The following DMRTB1 variants were observed in gnomAD, a reference collection of about 807,000 sequenced individuals.
DMRTB1 encodes the protein doublesex- and mab-3-related transcription factor B1.
Under a neutral mutation model 25.2 loss-of-function variants are expected in DMRTB1, and 9 were observed. That is an observed-to-expected ratio of 0.36 (90% CI 0.22 to 0.62). The LOEUF is 0.62. DMRTB1 is among the 20% of genes least tolerant of loss of function. The pLI is 0.71. For synonymous variants in DMRTB1, 269 were observed against 238.1 expected (o/e 1.13, Z -1.20); for missense variants, 551 against 499.3 (o/e 1.10, Z -0.99).
At position 53,466,777 on chromosome 1, in the gene DMRTB1, C is replaced by A; in HGVS notation, c.*115C>A. 2 of 1,012,438 alleles carry A rather than the reference C, an allele frequency of 2.0e-6. No homozygotes were observed. The highest frequency in any genetic ancestry group is 3.0e-6 in the Non-Finnish European group (2 of 656,786). The allele number at this position is 1,012,438 out of a possible 1,614,324, so 62.7% of individuals were successfully genotyped here. ...GGAAGGAGGTTGATAGCATAGATGG[C>A]AACTGATTCCCAGTTTAAGATAGGA... On this transcript the variant is annotated 3_prime_UTR_variant, in exon 4 of 4. Coordinates refer to ENST00000371445, the MANE Select transcript of DMRTB1 (RefSeq NM_033067.3).
chr1:53,462,667 C>T (rs1235976793), intron 2 of DMRTB1, among the ~76,000 whole-genome samples: 1 of 152,180 alleles, frequency 6.6e-6, no homozygotes, highest in Non-Finnish European at 1.5e-5. Context: ...AAGTTTTTGG[C>T]CAGGGTCACA....
rs754382337 is a variant in DMRTB1, at chr1:53,459,637, G to A, written c.184G>A (p.Glu62Lys). 8 of 1,560,440 alleles carry A rather than the reference G, an allele frequency of 5.1e-6. No homozygotes were observed. In the Admixed American group the frequency reaches 5.7e-5, roughly 11 times the overall value. Residue 62 changes from glutamate (E) to lysine (K), a missense_variant, in exon 1 of 4, where the codon GAG becomes AAG. Glu to Lys is a moderately conservative substitution (Grantham distance 56). Coordinates refer to ENST00000371445, the MANE Select transcript of DMRTB1 (RefSeq NM_033067.3). ...GAAGGTGCTCAAGACGCAGGCCGCCGAGGAGGAGCAGGAGGCGGCCCTGTG... is the reference window on the plus strand; with the variant it reads ...GAAGGTGCTCAAGACGCAGGCCGCCAAGGAGGAGCAGGAGGCGGCCCTGTG... The part of the protein sequence containing the change: ...AQKVLKTQAA[E>K]EEQEAALCAQ...
chr1:53,461,530 C>G lies in DMRTB1; in HGVS notation c.635C>G (p.Ser212Cys). ...CTGGGCCCTGAGTACCCTGGTGGCT[C>G]CAGCATGCACCCCTACTGCCCGTTC... ...RALGPEYPGG[S>C]SMHPYCPFPL... The change falls in exon 2 of 4, where the codon TCC becomes TGC. Residue 212 changes from serine to cysteine, a missense_variant. Transcript: ENST00000371445. The G allele has an allele frequency of 6.2e-7, 1 of 1,612,194 alleles. No homozygotes were observed. Among genetic ancestry groups the G allele is most frequent in the Non-Finnish European group, 8.5e-7 (1 of 1,179,138 alleles).
chr1:53,461,826 C>T (rs892987902), intron 2 of DMRTB1, among the ~76,000 whole-genome samples, 181 bp downstream of exon 2: 1 of 152,216 alleles, frequency 6.6e-6, no homozygotes, highest in Non-Finnish European at 1.5e-5. Context: ...TGGGAGCACA[C>T]GTGTGGACCA....
In DMRTB1 at chr1:53,466,606, G is replaced by A. The variant is rs1644051534; in HGVS notation, c.973G>A (p.Ala325Thr). Reference sequence around the variant, plus strand: ...TTTGTCCTTCACAGATGACCAGGATGCAGAGGTACTGTCGGGTGAGCCCAG... The same window carrying A: ...TTTGTCCTTCACAGATGACCAGGATACAGAGGTACTGTCGGGTGAGCCCAG... ...TDKENTDDQD[A>T]EVLSGEPSQP... Residue 325 changes from alanine to threonine, a missense_variant, in exon 4 of 4, where the codon GCA becomes ACA. Transcript: ENST00000371445. 6.2e-7 allele frequency: 1 copy of A among 1,614,126 alleles called. No individual in the cohort carries two copies.
At chr1:53,466,497 A>G in intron 3 of DMRTB1, 98 bp from the exon 4 acceptor site, 2 of 1,278,224 alleles carry the variant, frequency 1.6e-6, no homozygotes, top group East Asian at 2.3e-5. Flanking sequence ...TCTCAAAAAA[A>G]TTAAAATAAA....
chr1:53,465,107 T>C (rs563424825), intron 3 of DMRTB1, among the ~76,000 whole-genome samples: 7 of 152,160 alleles, frequency 4.6e-5, no homozygotes, highest in Non-Finnish European at 8.8e-5. Flanking sequence ...GAGCTGGGAT[T>C]TGAACAGAGT....
At chr1:53,460,132 TC>T in intron 1 of DMRTB1, 102 bp downstream of exon 1, 1 of 1,387,982 alleles carries the variant, frequency 7.2e-7, no homozygotes, top group Non-Finnish European at 9.3e-7. Flanking sequence ...GAGAAGTTTT[TC>T]CACGGGTAAC....
At chr1:53,460,810 C>T (rs1569647531) in intron 1 of DMRTB1, among the ~76,000 whole-genome samples, 2 of 152,154 alleles carry the variant, frequency 1.3e-5, no homozygotes, top group Admixed American at 1.3e-4. Context: ...GAGGCGGGGG[C>T]CCGGGTCACG....
At position 53,459,584 on chromosome 1, in the gene DMRTB1, C is replaced by T; in HGVS notation, c.131C>T (p.Ser44Phe). The T allele has an allele frequency of 6.2e-7, 1 of 1,603,558 alleles. No individual in the cohort carries two copies. Among genetic ancestry groups the T allele is most frequent in the South Asian group, 1.1e-5 (1 of 89,670 alleles). ...QCLCEKCYLI[S>F]ERQKIMAAQK... The stretch of plus-strand genomic sequence containing the variant: ...CTCTGCGAGAAGTGCTACCTGATCT[C>T]CGAGCGCCAGAAGATCATGGCCGCG... Residue 44 changes from serine to phenylalanine, a missense_variant, in exon 1 of 4, where the codon TCC (serine) becomes TTC (phenylalanine). Transcript: ENST00000371445.
chr1:53,459,696 G>A lies in DMRTB1; in HGVS notation c.243G>A (p.Ala81=). The A allele has an allele frequency of 1.4e-6, 2 of 1,450,630 alleles. No individual in the cohort carries two copies. Among genetic ancestry groups the A allele is most frequent in the Non-Finnish European group, 1.8e-6 (2 of 1,085,516 alleles). The allele number at this position is 1,450,630 out of a possible 1,614,324, so 89.9% of individuals were successfully genotyped here. ...AQGPKQASGA[A]AAAPAPVPVP... ...GGCCCAAGCAGGCCTCCGGGGCTGC[G>A]GCCGCCGCCCCCGCCCCCGTCCCCG... The change falls in exon 1 of 4, where the codon GCG becomes GCA. Residue 81 remains alanine, a synonymous_variant. Coordinates refer to ENST00000371445, the MANE Select transcript of DMRTB1 (RefSeq NM_033067.3).
Position 53,459,532 on chromosome 1 carries a change from G to A in DMRTB1, c.79G>A (p.Ala27Thr). 2 of 1,612,964 alleles carry A rather than the reference G, an allele frequency of 1.2e-6. No homozygotes were observed. Among genetic ancestry groups the A allele is most frequent in the Non-Finnish European group, 1.7e-6 (2 of 1,179,920 alleles). Reference protein sequence around the residue: ...HGFLVPVKGHAGKCRWKQCLC... With the variant: ...HGFLVPVKGHTGKCRWKQCLC... ...CTTCCTGGTGCCCGTCAAGGGACAC[G>A]CGGGCAAATGCCGCTGGAAGCAGTG... Residue 27 changes from alanine to threonine, a missense_variant, in exon 1 of 4, where the codon GCG becomes ACG. Transcript: ENST00000371445.
At chr1:53,461,764 C>T (rs1644024416) in intron 2 of DMRTB1, 119 bp downstream of exon 2, 2 of 1,259,364 alleles carry the variant, frequency 1.6e-6, no homozygotes, top group African/African-American at 1.5e-5. Context: ...CATGCCAGCC[C>T]CCGAGTGCTG....
chr1:53,461,509 G>T lies in DMRTB1; in HGVS notation c.614G>T (p.Gly205Val), dbSNP rs1644022406. 1 of 1,610,306 alleles carries T rather than the reference G, an allele frequency of 6.2e-7. No homozygotes were observed. ...PLNINPDRAL[G>V]PEYPGGSSMH... ...AACATCAACCCGGACCGTGCACTGG[G>T]CCCTGAGTACCCTGGTGGCTCCAGC... Residue 205 changes from glycine to valine, a missense_variant, in exon 2 of 4, where the codon GGC (glycine) becomes GTC (valine). Gly to Val is a moderately radical substitution (Grantham distance 109). Transcript: ENST00000371445.
chr1:53,461,360 G>A, intron 1 of DMRTB1, 113 bp from the exon 2 acceptor site: 1 of 1,128,600 alleles, frequency 8.9e-7, no homozygotes, highest in Non-Finnish European at 1.2e-6. Context: ...GGAAGTGCGG[G>A]GTGGGCTTTC....
chr1:53,464,332 A>G (rs1196204501), intron 2 of DMRTB1, among the ~76,000 whole-genome samples: 3 of 152,222 alleles, frequency 2.0e-5, no homozygotes, highest in Non-Finnish European at 2.9e-5. Context: ...GAATAGTAAT[A>G]GAACCCACCG....
At chr1:53,460,154 C>G (rs1236289313) in intron 1 of DMRTB1, 124 bp downstream of exon 1, 2 of 1,281,836 alleles carry the variant, frequency 1.6e-6, no homozygotes, top group Non-Finnish European at 1.0e-6. Flanking sequence ...GGACCTTCCG[C>G]TTTGAGAAAC....
intron 2 of DMRTB1, among the ~76,000 whole-genome samples, chr1:53,461,914 C>T (rs1312840314): frequency 6.6e-6 from 1 of 152,170 alleles, no homozygotes; most frequent in Non-Finnish European, 1.5e-5. Flanking sequence ...TTCAGGATGA[C>T]CCCTTCCTTG....
intron 3 of DMRTB1, among the ~76,000 whole-genome samples, 175 bp downstream of exon 3, chr1:53,465,022 A>C (rs1644043860): frequency 6.6e-6 from 1 of 152,194 alleles, no homozygotes; most frequent in African/African-American, 2.4e-5. Flanking sequence ...ATAGGCACAC[A>C]TCTAAGGGAG....
Sources: allele counts gnomAD v4.1 joint callset (sites outside exome capture counted in the v4.1 genomes callset), GRCh38; gene constraint gnomAD v4.1.1; transcripts MANE v1.5; gene names NCBI Gene and HGNC (gene_info 2026-07-23, HGNC 2026-07-21).